The following GRHL2 variants were observed in gnomAD, a reference collection of about 807,000 sequenced individuals.
GRHL2 encodes the protein grainyhead like transcription factor 2.
A neutral mutation model predicts 83.8 loss-of-function variants in GRHL2; 21 were observed. The observed-to-expected ratio is 0.25, with a 90% CI of 0.18 to 0.36. The LOEUF is 0.36. GRHL2 is among the 10% of genes least tolerant of loss of function. The probability of loss-of-function intolerance (pLI) is 1.00; values close to 1 mark genes in which losing one functional copy is unlikely to be tolerated. For missense variants in GRHL2, 623 were observed against 781.8 expected (o/e 0.80, Z 2.42); for synonymous variants, 280 against 278.9 (o/e 1.00, Z -0.04).
chr8:101,677,140 C>G, the GRHL2 span, among the ~76,000 whole-genome samples: 1 of 151,886 alleles, frequency 6.6e-6, no homozygotes, highest in African/African-American at 2.4e-5. Flanking sequence ...TGCAGCACAC[C>G]AGCATGGCAC....
chr8:101,545,644 G>T (rs930524600), intron 2 of GRHL2, among the ~76,000 whole-genome samples: 4 of 151,802 alleles, frequency 2.6e-5, no homozygotes, highest in Non-Finnish European at 5.9e-5. Context: ...GAGGATAGTT[G>T]GGAAGCACAG....
chr8:101,520,311 A>C (rs1017417530), intron 1 of GRHL2, among the ~76,000 whole-genome samples: 3 of 152,210 alleles, frequency 2.0e-5, no homozygotes, highest in Non-Finnish European at 4.4e-5. Flanking sequence ...CATAATACCC[A>C]CTTGCACAAA....
chr8:101,542,563 A>C (rs533168446), intron 1 of GRHL2, among the ~76,000 whole-genome samples: 2 of 152,186 alleles, frequency 1.3e-5, no homozygotes, highest in African/African-American at 4.8e-5. Context: ...CAGAAAAAAA[A>C]AAAAAAGAAT....
At chr8:101,549,494 C>T (rs62519111) in intron 2 of GRHL2, among the ~76,000 whole-genome samples, 1 of 152,060 alleles carries the variant, frequency 6.6e-6, no homozygotes, top group Non-Finnish European at 1.5e-5. Context: ...GGAGGCTGAG[C>T]CTGGAGGCTG....
chr8:101,578,220 G>A (rs1217528817), intron 7 of GRHL2, among the ~76,000 whole-genome samples: 3 of 152,214 alleles, frequency 2.0e-5, no homozygotes, highest in Admixed American at 2.0e-4. Flanking sequence ...GCTATTACCT[G>A]CAGGGCTGGA....
intron 2 of GRHL2, among the ~76,000 whole-genome samples, chr8:101,548,956 G>A (rs1406066027): frequency 6.6e-6 from 1 of 152,118 alleles, no homozygotes; most frequent in African/African-American, 2.4e-5. Context: ...CCCTTTCCAG[G>A]CCATTTTCAT....
At chr8:101,616,131 TTC>T (rs1416855261) in intron 8 of GRHL2, among the ~76,000 whole-genome samples, 2 of 150,792 alleles carry the variant, frequency 1.3e-5, no homozygotes, top group Admixed American at 1.3e-4. Context: ...TTCTTTCTTT[TTC>T]TTTCTTTCTT....
Position 101,666,839 on chromosome 8 carries a change from G to A in GRHL2, c.*136G>A, listed in dbSNP as rs1199854673. ...CTGTTACAAGACCGTGCTGGGGAGT[G>A]GGGCAAGGGACAGGCCCCACTGTCG... On this transcript the variant is annotated 3_prime_UTR_variant, in exon 16 of 16. Coordinates refer to ENST00000646743, the MANE Select transcript of GRHL2 (RefSeq NM_024915.4). 1.4e-6 allele frequency: 1 copy of A among 712,794 alleles called. No homozygotes were observed. The highest frequency in any genetic ancestry group is 2.6e-6 in the Non-Finnish European group (1 of 388,472). The allele number at this position is 712,794 out of a possible 1,614,324, so 44.2% of individuals were successfully genotyped here.
intron 8 of GRHL2, among the ~76,000 whole-genome samples, chr8:101,607,226 A>G (rs577110567): frequency 6.6e-6 from 1 of 152,214 alleles, no homozygotes; most frequent in African/African-American, 2.4e-5. Flanking sequence ...GTCTTAACGG[A>G]TCATGCTTTC....
chr8:101,498,115 TTTTA>T (rs1250048532), intron 1 of GRHL2, among the ~76,000 whole-genome samples: 10 of 152,126 alleles, frequency 6.6e-5, no homozygotes, highest in African/African-American at 9.7e-5. Context: ...TTATTTACAT[TTTTA>T]TTTATTTATT....
intron 14 of GRHL2, among the ~76,000 whole-genome samples, chr8:101,661,895 G>A (rs958500741): frequency 3.3e-5 from 5 of 152,130 alleles, no homozygotes; most frequent in Admixed American, 6.5e-5. Context: ...GAGGTAACTT[G>A]CTATTTCTGT....
chr8:101,584,921 G>C (rs1193792448), intron 7 of GRHL2, among the ~76,000 whole-genome samples: 3 of 152,018 alleles, frequency 2.0e-5, no homozygotes, highest in Admixed American at 1.3e-4. Context: ...GTAGCTAGGT[G>C]ACCAGGTAGC....
intron 7 of GRHL2, among the ~76,000 whole-genome samples, chr8:101,580,690 A>T (rs546824750): frequency 9.1e-4 from 138 of 152,166 alleles, no homozygotes; most frequent in African/African-American, 3.2e-3. Flanking sequence ...TTTTATTTTT[A>T]TTTATTTTAT....
the GRHL2 span, among the ~76,000 whole-genome samples, chr8:101,677,704 G>A: frequency 6.6e-6 from 1 of 152,018 alleles, no homozygotes. Context: ...TCCTGGAAAA[G>A]TGTTAGAAAA....
chr8:101,566,122 G>A (rs57874832), intron 4 of GRHL2, among the ~76,000 whole-genome samples: 15,927 of 152,144 alleles, frequency 0.1, 1,151 homozygotes, highest in African/African-American at 0.2. Flanking sequence ...TTGGATTAAT[G>A]CACACAGTTT....
intron 4 of GRHL2, among the ~76,000 whole-genome samples, chr8:101,563,828 G>T (rs1811658721): frequency 6.6e-6 from 1 of 151,932 alleles, no homozygotes; most frequent in Non-Finnish European, 1.5e-5. Flanking sequence ...TTCTGTAGAA[G>T]AAAATAACTG....
intron 1 of GRHL2, among the ~76,000 whole-genome samples, chr8:101,531,826 G>A (rs951573476): frequency 1.3e-5 from 2 of 151,638 alleles, no homozygotes; most frequent in African/African-American, 4.8e-5. Flanking sequence ...GGGTGGGGGA[G>A]AGAGAGAGAG....
At chr8:101,675,209 G>A in the GRHL2 span, among the ~76,000 whole-genome samples, 1 of 152,158 alleles carries the variant, frequency 6.6e-6, no homozygotes, top group East Asian at 1.9e-4. Context: ...TTCTGGCCAG[G>A]GCAATTAGGC....
At chr8:101,550,041 A>G (rs1189588221) in intron 2 of GRHL2, among the ~76,000 whole-genome samples, 7 of 151,684 alleles carry the variant, frequency 4.6e-5, no homozygotes, top group Admixed American at 4.6e-4. Flanking sequence ...TTTTTTCTAT[A>G]TATGTATAGT....
Sources: allele counts gnomAD v4.1 joint callset (sites outside exome capture counted in the v4.1 genomes callset), GRCh38; gene constraint gnomAD v4.1.1; transcripts MANE v1.5; gene names NCBI Gene and HGNC (gene_info 2026-07-23, HGNC 2026-07-21).